Variants in PLPPR5 observed in about 807,000 individuals in gnomAD.
The protein encoded by PLPPR5 is phospholipid phosphatase-related protein type 5.
Under a neutral mutation model 33.9 loss-of-function variants are expected in PLPPR5, and 16 were observed. The ratio of observed to expected loss-of-function variants is 0.47; its 90% CI spans 0.32 to 0.72. The LOEUF is 0.72. PLPPR5 is among the 30% of genes least tolerant of loss of function. PLPPR5 has a pLI of 0.03. For missense variants in PLPPR5, 301 were observed against 406.7 expected (o/e 0.74, Z 2.23); for synonymous variants, 163 against 150.3 (o/e 1.08, Z -0.62).
chr1:99,004,684 G>GGCCGGGCCGA lies in PLPPR5; in HGVS notation c.-23_-14dup. 1.9e-6 allele frequency: 3 copies of GGCCGGGCCGA among 1,574,226 alleles called. No individual in the cohort carries two copies. The highest frequency in any genetic ancestry group is 2.6e-6 in the Non-Finnish European group (3 of 1,161,084). ...GCAGCAGGGGCATGCACGCCTCCCG[G>GGCCGGGCCGA]GCCGGGCCGAGCCGAGCCGAGCGGG... On this transcript the variant is annotated 5_prime_UTR_variant, in exon 1 of 6. Transcript: ENST00000263177.
intron 1 of PLPPR5, among the ~76,000 whole-genome samples, chr1:98,986,318 TAAAAATTATA>T (rs1259415659): frequency 6.6e-6 from 1 of 151,814 alleles, no homozygotes; most frequent in Non-Finnish European, 1.5e-5. Context: ...CACATAATTT[TAAAAATTATA>T]AAATGTACTA....
At chr1:98,988,389 T>TTATG (rs1245654809) in intron 1 of PLPPR5, among the ~76,000 whole-genome samples, 2 of 152,120 alleles carry the variant, frequency 1.3e-5, no homozygotes, top group Non-Finnish European at 2.9e-5. Context: ...GAGAAAAAGC[T>TTATG]TATGTTTATG....
chr1:98,921,816 A>AT, intron 4 of PLPPR5, 66 bp downstream of exon 4: 1 of 1,322,034 alleles, frequency 7.6e-7, no homozygotes, highest in Admixed American at 2.1e-5. Flanking sequence ...TCACACTTGT[A>AT]TTTTCTCATG....
At chr1:98,961,344 G>A (rs1342437117) in intron 1 of PLPPR5, among the ~76,000 whole-genome samples, 1 of 152,146 alleles carries the variant, frequency 6.6e-6, no homozygotes, top group Admixed American at 6.5e-5. Context: ...CAACTAGAAC[G>A]CATTTGGAGA....
chr1:98,902,131 T>C (rs1648716695), intron 5 of PLPPR5, among the ~76,000 whole-genome samples: 1 of 152,032 alleles, frequency 6.6e-6, no homozygotes, highest in Admixed American at 6.6e-5. Flanking sequence ...TAAGACACAC[T>C]CAAATGACTT....
At chr1:98,948,225 CAG>C (rs1251384757) in intron 3 of PLPPR5, among the ~76,000 whole-genome samples, 1 of 152,128 alleles carries the variant, frequency 6.6e-6, no homozygotes, top group Admixed American at 6.5e-5. Context: ...GAGGGGCAAA[CAG>C]ACACTAGTGG....
At chr1:98,998,288 C>T (rs1435038798) in intron 1 of PLPPR5, among the ~76,000 whole-genome samples, 2 of 152,144 alleles carry the variant, frequency 1.3e-5, no homozygotes, top group Non-Finnish European at 2.9e-5. Flanking sequence ...ACCTCCACCT[C>T]TCCATATACC....
chr1:98,902,441 T>G (rs963202879), intron 5 of PLPPR5, among the ~76,000 whole-genome samples: 1 of 152,170 alleles, frequency 6.6e-6, no homozygotes, highest in Non-Finnish European at 1.5e-5. Context: ...ATTCAGATTT[T>G]CAGATCATAA....
chr1:98,947,561 A>G (rs1650602823), intron 3 of PLPPR5, among the ~76,000 whole-genome samples: 1 of 152,218 alleles, frequency 6.6e-6, no homozygotes, highest in Admixed American at 6.5e-5. Context: ...TCTGGGCCTA[A>G]GATACAATGG....
At chr1:98,904,522 ATATTTTTGTTCTTTT>A (rs1431115346) in intron 5 of PLPPR5, among the ~76,000 whole-genome samples, 1 of 152,110 alleles carries the variant, frequency 6.6e-6, no homozygotes, top group Non-Finnish European at 1.5e-5. Flanking sequence ...TTATTTTTAA[ATATTTTTGTTCTTTT>A]ACCAGATAAA....
chr1:98,993,944 C>T (rs1652543278), intron 1 of PLPPR5, among the ~76,000 whole-genome samples: 1 of 152,056 alleles, frequency 6.6e-6, no homozygotes, highest in South Asian at 2.1e-4. Flanking sequence ...AGAGGAAATG[C>T]CACGTTATTT....
At chr1:98,942,007 T>TATAC (rs1491509361) in intron 3 of PLPPR5, among the ~76,000 whole-genome samples, 20 of 131,236 alleles carry the variant, frequency 1.5e-4, no homozygotes, top group African/African-American at 5.2e-4. Flanking sequence ...TATATATATA[T>TATAC]ACACATATAC....
At position 98,960,913 on chromosome 1, in the gene PLPPR5, G is replaced by C. The variant is rs567208108; in HGVS notation, c.238-4172C>G. On this transcript the variant is annotated intron_variant, in intron 1 of 5. Coordinates refer to ENST00000263177, the MANE Select transcript of PLPPR5 (RefSeq NM_001037317.2). Reference sequence around the variant, plus strand: ...CTCCTCCTAGCCAATGACTAAGCATGGTGGGAGTGAACCTAATCTTCTGAA... The same window carrying C: ...CTCCTCCTAGCCAATGACTAAGCATCGTGGGAGTGAACCTAATCTTCTGAA... Among the ~76,000 whole-genome samples, 41 of 152,288 alleles carry C rather than the reference G, an allele frequency of 2.7e-4. No homozygotes were observed. The South Asian group carries it at 8.5e-3, about 32-fold the overall frequency.
intron 1 of PLPPR5, among the ~76,000 whole-genome samples, chr1:98,973,939 C>T (rs1651751124): frequency 6.6e-6 from 1 of 151,778 alleles, no homozygotes; most frequent in African/African-American, 2.4e-5. Context: ...AAAATCAATC[C>T]CGAAAAAGGC....
At chr1:98,898,981 C>T (rs903565833) in intron 5 of PLPPR5, among the ~76,000 whole-genome samples, 2 of 152,212 alleles carry the variant, frequency 1.3e-5, no homozygotes, top group Non-Finnish European at 1.5e-5. Flanking sequence ...CTTTCCAAGT[C>T]CTGAGAAGCC....
chr1:98,970,988 G>A (rs1048297014), intron 1 of PLPPR5, among the ~76,000 whole-genome samples: 4 of 152,008 alleles, frequency 2.6e-5, no homozygotes, highest in East Asian at 3.9e-4. Flanking sequence ...TGCATAAAGC[G>A]TAAAAAATGC....
chr1:98,915,734 A>G lies in PLPPR5; in HGVS notation c.799-814T>C, dbSNP rs111965226. The stretch of plus-strand genomic sequence containing the variant: ...ATACATTTTTGGCATTGTTAAAAAT[A>G]CATATTCCTAAGCCCTCCCCTAAAG... On this transcript the variant is annotated intron_variant, in intron 4 of 5. Transcript: ENST00000263177. Among the ~76,000 whole-genome samples the G allele has an allele frequency of 9.2e-3, 1,403 of 152,278 alleles. 17 individuals are homozygous for G. Among genetic ancestry groups the G allele is most frequent in the African/African-American group, 0.032 (1,314 of 41,544 alleles).
At chr1:98,924,966 T>G (rs1034149458) in intron 3 of PLPPR5, among the ~76,000 whole-genome samples, 7 of 152,178 alleles carry the variant, frequency 4.6e-5, no homozygotes, top group African/African-American at 1.7e-4. Flanking sequence ...AATGCACAAA[T>G]TTTTCTGCAG....
At chr1:98,967,181 G>T (rs1651483064) in intron 1 of PLPPR5, among the ~76,000 whole-genome samples, 1 of 152,088 alleles carries the variant, frequency 6.6e-6, no homozygotes, top group African/African-American at 2.4e-5. Flanking sequence ...TATAGAAAGA[G>T]AGGTTAAATA....
Sources: gnomAD v4.1 joint callset for allele counts (sites outside exome capture counted in the v4.1 genomes callset) on GRCh38, gnomAD v4.1.1 for gene constraint, MANE v1.5 for transcripts, NCBI Gene and HGNC (gene_info 2026-07-23, HGNC 2026-07-21) for gene names.